Variants in GRPEL1 observed in about 807,000 individuals in gnomAD.
The protein encoded by GRPEL1 is GrpE like 1, mitochondrial.
A neutral mutation model predicts 22.1 loss-of-function variants in GRPEL1; 13 were observed. That is an observed-to-expected ratio of 0.59 (90% CI 0.38 to 0.94). The LOEUF (loss-of-function observed/expected upper bound fraction) is 0.94, where lower values mean the gene tolerates loss of function less well. Among genes scored for constraint, GRPEL1 ranks in the 40% least tolerant of loss-of-function variants. GRPEL1 has a pLI of 0.00. For missense variants in GRPEL1, 289 were observed against 264.6 expected (o/e 1.09, Z -0.64); for synonymous variants, 109 against 105.3 (o/e 1.03, Z -0.21).
intron 1 of GRPEL1, among the ~76,000 whole-genome samples, chr4:7,064,493 C>A (rs930346748): frequency 5.3e-5 from 8 of 152,056 alleles, no homozygotes; most frequent in African/African-American, 1.4e-4. Context: ...TGGTCTCTCT[C>A]TATATATCTA....
Position 7,067,956 on chromosome 4 carries a change from C to G in GRPEL1, c.62+15G>C, listed in dbSNP as rs201657195. 3.7e-5 allele frequency: 60 copies of G among 1,613,028 alleles called. No homozygotes were observed. The East Asian group carries it at 1.0e-3, about 28-fold the overall frequency. ...GCGCTGCCACCTCCACCCAGGGAGA[C>G]CAAGTGCCCCTTACCTGAGAGACAA... On this transcript the variant is annotated intron_variant, in intron 1 of 3. Coordinates refer to ENST00000264954, the MANE Select transcript of GRPEL1 (RefSeq NM_025196.4).
chr4:7,064,472 A>T (rs1209019251), intron 1 of GRPEL1: 1 of 312,716 alleles, frequency 3.2e-6, no homozygotes, highest in Non-Finnish European at 5.8e-6. Context: ...ATATTTTTTT[A>T]GAGACAGGAT....
In GRPEL1 at chr4:7,060,816, G is replaced by C. The variant is rs1056373620; in HGVS notation, c.*46C>G. ...ATGAGAAACAATGAACCAGCCTTGA[G>C]AGTTACATCAAGTGAGTTTAAAAAC... On this transcript the variant is annotated 3_prime_UTR_variant, in exon 4 of 4. Coordinates refer to ENST00000264954, the MANE Select transcript of GRPEL1 (RefSeq NM_025196.4). The C allele has an allele frequency of 3.4e-6, 5 of 1,476,738 alleles. No individual in the cohort carries two copies. Among genetic ancestry groups the C allele is most frequent in the Non-Finnish European group, 4.6e-6 (5 of 1,077,222 alleles). The allele number at this position is 1,476,738 out of a possible 1,614,324, so 91.5% of individuals were successfully genotyped here.
At chr4:7,063,070 C>A (rs183505446) in intron 2 of GRPEL1, among the ~76,000 whole-genome samples, 1 of 151,464 alleles carries the variant, frequency 6.6e-6, no homozygotes, top group East Asian at 1.9e-4. Context: ...GTCTCACCAC[C>A]TTCCGGTAAG....
At chr4:7,062,723 A>G (rs996645385) in intron 2 of GRPEL1, among the ~76,000 whole-genome samples, 1 of 152,016 alleles carries the variant, frequency 6.6e-6, no homozygotes, top group Non-Finnish European at 1.5e-5. Context: ...CGTGTTAGCC[A>G]GGATGGTCTC....
chr4:7,067,888 G>C, intron 1 of GRPEL1, 83 bp downstream of exon 1: 1 of 1,414,810 alleles, frequency 7.1e-7, no homozygotes, highest in South Asian at 1.2e-5. Flanking sequence ...GGCCGGGAAG[G>C]AGGCCCCGGG....
At chr4:7,061,270 T>C in intron 3 of GRPEL1, 62 bp from the exon 4 acceptor site, 2 of 1,318,012 alleles carry the variant, frequency 1.5e-6, no homozygotes, top group African/African-American at 1.5e-5. Flanking sequence ...AATTCCAAAC[T>C]GAGCACTGCT....
intron 1 of GRPEL1, among the ~76,000 whole-genome samples, chr4:7,066,835 G>C (rs185979161): frequency 4.6e-5 from 7 of 152,346 alleles, no homozygotes; most frequent in Non-Finnish European, 1.0e-4. Flanking sequence ...CTACCAGTCA[G>C]TTCTCCTGCC....
chr4:7,059,404 T>C lies in GRPEL1; in HGVS notation c.*1458A>G, dbSNP rs1723982676. 1 of 152,222 alleles carries C rather than the reference T, an allele frequency of 6.6e-6. No individual in the cohort carries two copies. Among genetic ancestry groups the C allele is most frequent in the South Asian group, 2.1e-4 (1 of 4,830 alleles). 9.4% of individuals were successfully genotyped at this position (152,222 alleles called of 1,614,324 possible). ...GATAAATTACTTTTCTTAGCCTCCA[T>C]TTAACTCGGGAGCTCCAGGGGTGAT... is the stretch of plus-strand genomic sequence containing the variant. On this transcript the variant is annotated 3_prime_UTR_variant, in exon 4 of 4. Coordinates refer to ENST00000264954, the MANE Select transcript of GRPEL1 (RefSeq NM_025196.4).
Position 7,065,856 on chromosome 4 carries a change from CTT to C in GRPEL1, c.63-1635_63-1634del, listed in dbSNP as rs11449578. On this transcript the variant is annotated intron_variant, in intron 1 of 3. Transcript: ENST00000264954. Reference sequence around the variant, plus strand: ...TTTCTTCACCAGGACCAGAGGACCTCTTTTTTTTTTTTTTTGAGACGGAGTCT... The same window carrying C: ...TTTCTTCACCAGGACCAGAGGACCTCTTTTTTTTTTTTTGAGACGGAGTCT... Among the ~76,000 whole-genome samples the C allele has an allele frequency of 7.7e-5, 11 of 142,104 alleles. No homozygotes were observed. In the South Asian group the frequency reaches 1.1e-3, roughly 14 times the overall value. The allele number at this position is 142,104 out of a possible 152,430, so 93.2% of individuals were successfully genotyped here. A position where few individuals can be genotyped will look rare whatever the true frequency, so the allele number is the denominator to read the frequency against.
rs147601099 is a variant in GRPEL1, at chr4:7,066,594, A to G, written c.62+1377T>C. 9.7e-3 allele frequency among the ~76,000 whole-genome samples: 1,474 copies of G among 152,352 alleles called. 11 individuals carry two copies. The highest frequency in any genetic ancestry group is 0.037 in the Middle Eastern group (11 of 294). On this transcript the variant is annotated intron_variant, in intron 1 of 3. Coordinates refer to ENST00000264954, the MANE Select transcript of GRPEL1 (RefSeq NM_025196.4). Reference sequence around the variant, plus strand: ...TGTGAATTTAAAAAGCTAAGAATTTAAATAAAAACTGAGTGTACTGTTGTG... The same window carrying G: ...TGTGAATTTAAAAAGCTAAGAATTTGAATAAAAACTGAGTGTACTGTTGTG...
intron 2 of GRPEL1, 51 bp from the exon 3 acceptor site, chr4:7,062,517 T>TATATATATATATATA: frequency 2.1e-6 from 1 of 480,602 alleles, no homozygotes; most frequent in Non-Finnish European, 2.9e-6. Flanking sequence ...TATATATATC[T>TATATATATATATATA]TTTTTTTTGA....
intron 1 of GRPEL1, among the ~76,000 whole-genome samples, chr4:7,066,783 G>A (rs1040320531): frequency 7.9e-5 from 12 of 152,166 alleles, no homozygotes; most frequent in Non-Finnish European, 1.3e-4. Context: ...TCTGCAGAGG[G>A]AAACTGAGTC....
intron 1 of GRPEL1, chr4:7,067,518 TGCCCAGGGCACACCC>T (rs1230343255): frequency 5.7e-6 from 1 of 176,762 alleles, no homozygotes; most frequent in Non-Finnish European, 1.2e-5. Context: ...CCACAGCTCC[TGCCCAGGGCACACCC>T]GGCCCGGCTC....
At chr4:7,065,628 T>C (rs1051163341) in intron 1 of GRPEL1, among the ~76,000 whole-genome samples, 6 of 151,776 alleles carry the variant, frequency 4.0e-5, no homozygotes, top group African/African-American at 1.5e-4. Flanking sequence ...TGAAAGGCTT[T>C]GTAGGATAGG....
At position 7,060,711 on chromosome 4, in the gene GRPEL1, G is replaced by T; in HGVS notation, c.*151C>A. The T allele has an allele frequency of 1.4e-6, 1 of 711,242 alleles. No homozygotes were observed. The highest frequency in any genetic ancestry group is 2.4e-6 in the Non-Finnish European group (1 of 415,090). The allele number at this position is 711,242 out of a possible 1,614,324, so 44.1% of individuals were successfully genotyped here. On this transcript the variant is annotated 3_prime_UTR_variant, in exon 4 of 4. Coordinates refer to ENST00000264954, the MANE Select transcript of GRPEL1 (RefSeq NM_025196.4). ...CGAATTAGAGTTCATTAATGCAGTT[G>T]GGCAACCGGCTTTTCTGTTTAGCCA...
At chr4:7,065,517 AAAAAAAAAAAAGTGATT>A (rs1423506423) in intron 1 of GRPEL1, among the ~76,000 whole-genome samples, 1 of 151,430 alleles carries the variant, frequency 6.6e-6, no homozygotes, top group African/African-American at 2.4e-5. Flanking sequence ...TCTGTCTCAA[AAAAAAAAAAAAGTGATT>A]AAAAAAAAAA....
In GRPEL1 at chr4:7,064,227, C is replaced by T. The variant is rs767242721; in HGVS notation, c.63-4G>A. On this transcript the variant is annotated splice_polypyrimidine_tract_variant and splice_region_variant and intron_variant, in intron 1 of 3. Transcript: ENST00000264954. ...GCACAACAACCGGGGAGATGGCCTA[C>T]AGGGAAGTCCACACGTGAGAAACGA... is the stretch of plus-strand genomic sequence containing the variant. 10 of 1,610,096 alleles carry T rather than the reference C, an allele frequency of 6.2e-6. No individual in the cohort carries two copies. The highest frequency in any genetic ancestry group is 7.6e-6 in the Non-Finnish European group (9 of 1,177,850).
At chr4:7,063,914 A>T in intron 2 of GRPEL1, 147 bp downstream of exon 2, 3 of 833,272 alleles carry the variant, frequency 3.6e-6, no homozygotes, top group East Asian at 5.7e-5. Flanking sequence ...CTTTGGCAGT[A>T]ACTTGCCACC....
Sources: gnomAD v4.1 joint callset for allele counts (sites outside exome capture counted in the v4.1 genomes callset) on GRCh38, gnomAD v4.1.1 for gene constraint, MANE v1.5 for transcripts, NCBI Gene and HGNC (gene_info 2026-07-23, HGNC 2026-07-21) for gene names.